RNF144A: variants seen among roughly 807,000 people sequenced by gnomAD.
RNF144A encodes the protein E3 ubiquitin-protein ligase RNF144A.
RNF144A carries 11 observed loss-of-function variants against 38.7 expected under a neutral mutation model. The observed-to-expected ratio is 0.28, with a 90% CI of 0.18 to 0.47. The LOEUF is 0.47. Among genes scored for constraint, RNF144A ranks in the 20% least tolerant of loss-of-function variants. RNF144A has a pLI of 0.99. For missense variants in RNF144A, 316 were observed against 377.2 expected (o/e 0.84, Z 1.34); for synonymous variants, 149 against 143.9 (o/e 1.04, Z -0.25).
chr2:7,014,131 C>G (rs536610917), intron 3 of RNF144A, among the ~76,000 whole-genome samples: 1 of 152,318 alleles, frequency 6.6e-6, no homozygotes, highest in Admixed American at 6.5e-5. Context: ...AGAAATATTA[C>G]CTCCCAGCCT....
Position 6,962,703 on chromosome 2 carries a change from A to G in RNF144A, c.-12+21556A>G, listed in dbSNP as rs991772575. ...TAAAACATTAGTTCTTCCCCATTCT[A>G]TTTTGCTTGGATATTTATGCACTTG... On this transcript the variant is annotated intron_variant, in intron 2 of 8. Coordinates refer to ENST00000320892, the MANE Select transcript of RNF144A (RefSeq NM_014746.6). This position sits in a 1 kb window ranked among gnomAD's most constrained non-coding sequence, Gnocchi z 4.1. Among the ~76,000 whole-genome samples, 2 of 152,154 alleles carry G rather than the reference A, an allele frequency of 1.3e-5. No homozygotes were observed. Among genetic ancestry groups the G allele is most frequent in the African/African-American group, 2.4e-5 (1 of 41,446 alleles).
chr2:7,006,267 G>A (rs916413592), intron 3 of RNF144A, among the ~76,000 whole-genome samples: 4 of 152,118 alleles, frequency 2.6e-5, no homozygotes, highest in East Asian at 3.9e-4. Flanking sequence ...CTAACTTGAT[G>A]TGTATTTTTC....
At chr2:7,071,490 C>T (rs565321693), downstream of RNF144A, among the ~76,000 whole-genome samples, 40 of 152,310 alleles carry the variant, frequency 2.6e-4, no homozygotes, top group African/African-American at 8.9e-4. Context: ...ACTTCCCAGC[C>T]GTGTGACTTG....
At chr2:7,050,228 C>G (rs1391453994) in intron 6 of RNF144A, among the ~76,000 whole-genome samples, 2 of 152,096 alleles carry the variant, frequency 1.3e-5, no homozygotes, top group African/African-American at 4.8e-5. Flanking sequence ...ATAATTGAAC[C>G]ATGGTGGTGG....
intron 2 of RNF144A, among the ~76,000 whole-genome samples, chr2:6,992,786 A>G (rs971180031): frequency 2.6e-5 from 4 of 152,096 alleles, no homozygotes; most frequent in Non-Finnish European, 5.9e-5. Flanking sequence ...ACAGTGGACT[A>G]TTTTCTCTTC....
At chr2:6,980,929 C>T (rs747862252) in intron 2 of RNF144A, among the ~76,000 whole-genome samples, 2 of 152,220 alleles carry the variant, frequency 1.3e-5, no homozygotes, top group African/African-American at 2.4e-5. Flanking sequence ...TTGCCTTATG[C>T]GCACCCACAG....
intron 3 of RNF144A, among the ~76,000 whole-genome samples, chr2:7,006,217 C>A (rs1572386132): frequency 1.3e-5 from 2 of 152,102 alleles, no homozygotes; most frequent in East Asian, 3.9e-4. Context: ...TGGCAGAGGA[C>A]TTCACTCAGA....
rs6733299 is a variant in RNF144A at position 7,063,927 on chromosome 2, C to T, written c.735-4289C>T. Among the ~76,000 whole-genome samples, 903 of 152,256 alleles carry T rather than the reference C, an allele frequency of 5.9e-3. 10 individuals carry two copies. The highest frequency in any genetic ancestry group is 0.02 in the African/African-American group (844 of 41,540). Reference sequence around the variant, plus strand: ...AATTTATTAAGAAAAGTTTATTTAGCTTATGGTTCCGGGGGCTGGGAAGTC... The same window carrying T: ...AATTTATTAAGAAAAGTTTATTTAGTTTATGGTTCCGGGGGCTGGGAAGTC... On this transcript the variant is annotated intron_variant, in intron 6 of 6. Transcript: ENST00000432850.
At chr2:6,925,326 A>G (rs1178700704) in intron 1 of RNF144A, among the ~76,000 whole-genome samples, 1 of 152,182 alleles carries the variant, frequency 6.6e-6, no homozygotes, top group Non-Finnish European at 1.5e-5. Context: ...AAACTGAGCC[A>G]GTCTGGTCAT....
At chr2:6,991,694 A>G (rs1159247650) in intron 2 of RNF144A, among the ~76,000 whole-genome samples, 1 of 152,218 alleles carries the variant, frequency 6.6e-6, no homozygotes, top group Non-Finnish European at 1.5e-5. Flanking sequence ...GTCATTGTGC[A>G]GAGAAATGAA....
intron 6 of RNF144A, 76 bp downstream of exon 6, chr2:7,020,756 G>T: frequency 7.2e-7 from 1 of 1,394,164 alleles, no homozygotes; most frequent in Non-Finnish European, 1.0e-6. Flanking sequence ...CTTCCTAAAA[G>T]TGCTGTTACA....
intron 2 of RNF144A, among the ~76,000 whole-genome samples, chr2:6,968,876 T>G (rs911889316): frequency 2.6e-5 from 4 of 152,106 alleles, no homozygotes; most frequent in Admixed American, 6.5e-5. Flanking sequence ...GGCTGTCCCA[T>G]GGAGTCCCTG....
At chr2:7,022,493 T>TA (rs1671598947) in intron 6 of RNF144A, among the ~76,000 whole-genome samples, 1 of 152,358 alleles carries the variant, frequency 6.6e-6, no homozygotes, top group African/African-American at 2.4e-5. Context: ...ATTTTATGCA[T>TA]AGCACAGTAC....
Position 6,961,077 on chromosome 2 carries a change from G to GT in RNF144A, c.-12+19940dup, listed in dbSNP as rs113475259. On this transcript the variant is annotated intron_variant, in intron 2 of 8. Transcript: ENST00000320892. ...TGGATGTCTTTCTTGTACTTACATG[G>GT]TTTTTTTTTTCTGTATGGCTTTTAG... Among the ~76,000 whole-genome samples, 174 of 148,782 alleles carry GT rather than the reference G, an allele frequency of 1.2e-3. 2 individuals carry two copies. The highest frequency in any genetic ancestry group is 3.3e-3 in the African/African-American group (134 of 40,670).
intron 2 of RNF144A, among the ~76,000 whole-genome samples, chr2:6,989,762 C>T (rs1186444107): frequency 6.6e-6 from 1 of 152,070 alleles, no homozygotes; most frequent in Non-Finnish European, 1.5e-5. Context: ...CTCTGCTCTC[C>T]CAGCCGCCCC....
At chr2:7,014,877 G>A in intron 5 of RNF144A, 105 bp downstream of exon 5, 1 of 788,050 alleles carries the variant, frequency 1.3e-6, no homozygotes, top group South Asian at 1.5e-5. Context: ...CATTTGATAG[G>A]AGTTAAAAAG....
chr2:6,982,139 G>A (rs1165267133), intron 2 of RNF144A, among the ~76,000 whole-genome samples: 1 of 152,100 alleles, frequency 6.6e-6, no homozygotes, highest in Non-Finnish European at 1.5e-5. Context: ...GATGAACTGG[G>A]GATTACAATT....
rs765499375 is a variant in RNF144A, at chr2:7,020,562, C to A, written c.391C>A (p.Gln131Lys). 2 of 1,613,388 alleles carry A rather than the reference C, an allele frequency of 1.2e-6. No individual in the cohort carries two copies. The highest frequency in any genetic ancestry group is 1.7e-6 in the Non-Finnish European group (2 of 1,180,022). ...CCAGGACGTGGGGCTGCAGACCCCC[C>A]AGCCAGTGCAGTGCAAAGCCTGCCG... Reference protein sequence around the residue: ...QLQDVGLQTPQPVQCKACRME... With the variant: ...QLQDVGLQTPKPVQCKACRME... The change falls in exon 6 of 9, where the codon CAG becomes AAG. Residue 131 changes from glutamine to lysine, a missense_variant. Transcript: ENST00000320892.
chr2:7,068,989 G>C (rs1215305980), downstream of RNF144A, among the ~76,000 whole-genome samples: 1 of 152,232 alleles, frequency 6.6e-6, no homozygotes, highest in Non-Finnish European at 1.5e-5. Context: ...ATCCTGAAAG[G>C]TAGCTTTTGT....
Sources: allele counts gnomAD v4.1 joint callset (sites outside exome capture counted in the v4.1 genomes callset), GRCh38; gene constraint gnomAD v4.1.1; non-coding constraint Gnocchi (gnomAD v3.1); transcripts MANE v1.5; gene names NCBI Gene and HGNC (gene_info 2026-07-23, HGNC 2026-07-21).